Variants in RBBP8 observed in about 807,000 individuals in gnomAD.
RBBP8 encodes the protein DNA endonuclease RBBP8.
In RBBP8, 88 loss-of-function variants were observed where a neutral mutation model predicts 108.3. The ratio of observed to expected loss-of-function variants is 0.81; its 90% CI spans 0.68 to 0.97. The LOEUF (loss-of-function observed/expected upper bound fraction) is 0.97. Ranked by LOEUF, RBBP8 falls within the 50% of genes least tolerant of loss-of-function variation. The pLI is 0.00. For missense variants in RBBP8, 1,023 were observed against 1,049.0 expected (o/e 0.98, Z 0.34); for synonymous variants, 332 against 348.2 (o/e 0.95, Z 0.52).
At chr18:22,917,559 C>T (rs913848780) in intron 3 of RBBP8, among the ~76,000 whole-genome samples, 1 of 152,174 alleles carries the variant, frequency 6.6e-6, no homozygotes, top group Non-Finnish European at 1.5e-5. Context: ...CTTTTACAGA[C>T]TATATAATAC....
chr18:22,972,565 G>A (rs1265808421), intron 5 of RBBP8, among the ~76,000 whole-genome samples: 3 of 151,586 alleles, frequency 2.0e-5, no homozygotes, highest in East Asian at 2.0e-4. Flanking sequence ...AGGCACGTGC[G>A]ACCACGCCCG....
chr18:23,020,146 C>G (rs1046609795), intron 17 of RBBP8, among the ~76,000 whole-genome samples: 16 of 151,146 alleles, frequency 1.1e-4, no homozygotes, highest in African/African-American at 3.9e-4. Context: ...TTTGGCCAGG[C>G]ACAGTAGCTC....
intron 3 of RBBP8, among the ~76,000 whole-genome samples, chr18:22,948,006 G>A (rs1911713248): frequency 6.6e-6 from 1 of 151,964 alleles, no homozygotes; most frequent in Non-Finnish European, 1.5e-5. Flanking sequence ...CTATTACAGA[G>A]TTCTGTTCAT....
chr18:22,958,608 C>T (rs1598663681), intron 4 of RBBP8, among the ~76,000 whole-genome samples: 1 of 152,104 alleles, frequency 6.6e-6, no homozygotes, highest in African/African-American at 2.4e-5. Context: ...TGCAGTGGCG[C>T]GACCTTGGCT....
chr18:23,006,180 C>T (rs543854621), intron 15 of RBBP8, among the ~76,000 whole-genome samples, 183 bp from the exon 16 acceptor site: 12 of 149,742 alleles, frequency 8.0e-5, no homozygotes, highest in South Asian at 6.3e-4. Flanking sequence ...AGCAAGACAC[C>T]GGCTCAGAAA....
At position 23,026,010 on chromosome 18, in the gene RBBP8, C is replaced by T. The variant is rs1021432515; in HGVS notation, c.2597-133C>T. ...GCTAAATAGTGAGATCAATCATCAG[C>T]ATCACACAGCTAATAATCAGAAGAA... On this transcript the variant is annotated intron_variant, in intron 18 of 18. Coordinates refer to ENST00000327155, the MANE Select transcript of RBBP8 (RefSeq NM_002894.3). The T allele has an allele frequency of 4.0e-6, 3 of 742,966 alleles. No homozygotes were observed. In the Admixed American group the frequency reaches 6.4e-5, roughly 16 times the overall value. 46.0% of individuals were successfully genotyped at this position (742,966 alleles called of 1,614,324 possible).
chr18:22,973,763 C>G (rs190255329), intron 5 of RBBP8, among the ~76,000 whole-genome samples: 1 of 152,264 alleles, frequency 6.6e-6, no homozygotes, highest in African/African-American at 2.4e-5. Flanking sequence ...GTAGAATAAT[C>G]TCCTGTCCAG....
rs2046226516 is a variant in RBBP8, at chr18:23,014,632, TAAAAC to T, written c.2358-2192_2358-2188del. 2.6e-5 allele frequency among the ~76,000 whole-genome samples: 4 copies of T among 152,240 alleles called. No individual in the cohort carries two copies. The South Asian group carries it at 6.2e-4, about 24-fold the overall frequency. ...TGGGCAACAAAGCAAGAACCTGTCTTAAAACAAACTAACTAAATAATAATGAATAA... is the reference window on the plus strand; with the variant it reads ...TGGGCAACAAAGCAAGAACCTGTCTTAAACTAACTAAATAATAATGAATAA... On this transcript the variant is annotated intron_variant, in intron 16 of 18. Transcript: ENST00000327155.
intron 18 of RBBP8, 108 bp downstream of exon 18, chr18:23,022,378 A>G: frequency 9.3e-7 from 1 of 1,076,582 alleles, no homozygotes; most frequent in Admixed American, 2.5e-5. Context: ...AGGTGGGTGG[A>G]TCACCTGAGG....
intron 5 of RBBP8, 71 bp from the exon 6 acceptor site, chr18:22,975,082 T>G: frequency 1.4e-6 from 2 of 1,476,076 alleles, no homozygotes; most frequent in Non-Finnish European, 1.8e-6. Flanking sequence ...GCTGACATAT[T>G]TTATTTGAAA....
At chr18:22,963,023 ATCT>A (rs1913242116) in intron 4 of RBBP8, among the ~76,000 whole-genome samples, 1 of 151,886 alleles carries the variant, frequency 6.6e-6, no homozygotes, top group African/African-American at 2.4e-5. Flanking sequence ...GATCTTTCTC[ATCT>A]TTATAATTTC....
chr18:23,001,555 T>A (rs1464855220), intron 14 of RBBP8, 31 bp from the exon 15 acceptor site: 2 of 1,613,934 alleles, frequency 1.2e-6, no homozygotes, highest in East Asian at 4.5e-5. Flanking sequence ...AAAGCTTGCT[T>A]ATTGCCCTAA....
At chr18:22,925,740 C>G (rs1909767407) in intron 3 of RBBP8, among the ~76,000 whole-genome samples, 1 of 152,154 alleles carries the variant, frequency 6.6e-6, no homozygotes, top group African/African-American at 2.4e-5. Flanking sequence ...CTGACTTGTT[C>G]CGACGGTTAG....
chr18:22,939,240 C>T (rs1910845187), intron 2 of RBBP8, among the ~76,000 whole-genome samples: 1 of 152,168 alleles, frequency 6.6e-6, no homozygotes, highest in Admixed American at 6.5e-5. Flanking sequence ...GGCACGGTGG[C>T]TCACGCCTGT....
At chr18:23,007,343 A>T (rs1024979319) in intron 16 of RBBP8, among the ~76,000 whole-genome samples, 17 of 151,814 alleles carry the variant, frequency 1.1e-4, no homozygotes, top group African/African-American at 3.6e-4. Flanking sequence ...TATTTTTTTT[A>T]AATGTCTTTT....
intron 18 of RBBP8, among the ~76,000 whole-genome samples, chr18:23,022,651 TATA>T (rs1172774193): frequency 1.1e-4 from 9 of 84,358 alleles, no homozygotes; most frequent in African/African-American, 2.9e-4. Flanking sequence ...TAAAATACAA[TATA>T]AAATAAAATA....
chr18:23,022,637 T>TAAAATAAAATA (rs376205689), intron 18 of RBBP8, among the ~76,000 whole-genome samples: 4 of 78,046 alleles, frequency 5.1e-5, no homozygotes, highest in African/African-American at 1.5e-4. Flanking sequence ...TAAAATAAAA[T>TAAAATAAAATA]AAATAAAATA....
intron 14 of RBBP8, 130 bp from the exon 15 acceptor site, chr18:23,001,456 C>A: frequency 9.6e-7 from 1 of 1,043,570 alleles, no homozygotes; most frequent in Non-Finnish European, 1.5e-6. Context: ...CATATTTTAA[C>A]AACCGTATTT....
In RBBP8 at chr18:22,950,571, CAA is replaced by C. The variant is rs59778562; in HGVS notation, c.248+873_248+874del. ...GGGTGACAGAGCAAGACCGTGTCTC[CAA>C]AAAAAAAAAAAAAATACAAACCCAC... On this transcript the variant is annotated intron_variant, in intron 4 of 18. Coordinates refer to ENST00000327155, the MANE Select transcript of RBBP8 (RefSeq NM_002894.3). Among the ~76,000 whole-genome samples, 664 of 137,378 alleles carry C rather than the reference CAA, an allele frequency of 4.8e-3. 1 individual carries two copies. Among genetic ancestry groups the C allele is most frequent in the Middle Eastern group, 7.5e-3 (2 of 268 alleles). 90.1% of individuals were successfully genotyped at this position (137,378 alleles called of 152,430 possible).
Sources: allele counts gnomAD v4.1 joint callset (sites outside exome capture counted in the v4.1 genomes callset), GRCh38; gene constraint gnomAD v4.1.1; transcripts MANE v1.5; gene names NCBI Gene and HGNC (gene_info 2026-07-23, HGNC 2026-07-21).